CCDC102B: variants seen among roughly 807,000 people sequenced by gnomAD.
CCDC102B encodes coiled-coil domain containing 102B.
In CCDC102B, 75 loss-of-function variants were observed where a neutral mutation model predicts 57.4. That is an observed-to-expected ratio of 1.31 (90% CI 1.08 to 1.58). The LOEUF is 1.58. CCDC102B is among the 40% of genes most tolerant of loss of function. The pLI, the probability that CCDC102B is intolerant of heterozygous loss-of-function variation, is 0.00. For missense variants in CCDC102B, 636 were observed against 582.6 expected (o/e 1.09, Z -0.94); for synonymous variants, 206 against 201.9 (o/e 1.02, Z -0.17).
intron 2 of CCDC102B, among the ~76,000 whole-genome samples, chr18:68,772,566 C>T (rs1018611670): frequency 3.9e-5 from 6 of 151,990 alleles, no homozygotes; most frequent in Non-Finnish European, 8.8e-5. Context: ...TCTTAAGAAA[C>T]GAGAGAATTC....
At chr18:68,772,699 T>G (rs1465111471) in intron 2 of CCDC102B, among the ~76,000 whole-genome samples, 1 of 152,108 alleles carries the variant, frequency 6.6e-6, no homozygotes, top group Non-Finnish European at 1.5e-5. Flanking sequence ...ACTTGGAAAT[T>G]GAAATTTAGA....
intron 7 of CCDC102B, among the ~76,000 whole-genome samples, chr18:69,029,426 C>T (rs1427196381): frequency 6.6e-6 from 1 of 152,200 alleles, no homozygotes; most frequent in Non-Finnish European, 1.5e-5. Context: ...CTACCTTCTG[C>T]ATCAGGTTGG....
intron 2 of CCDC102B, among the ~76,000 whole-genome samples, chr18:68,744,679 C>T (rs1234759874): frequency 2.6e-5 from 4 of 152,214 alleles, no homozygotes; most frequent in Middle Eastern, 3.4e-3. Context: ...TGCATGAAGA[C>T]GCCTCTCAAT....
At chr18:68,900,347 T>C (rs537097837) in intron 6 of CCDC102B, 1 of 152,304 alleles carries the variant, frequency 6.6e-6, no homozygotes, top group South Asian at 2.1e-4. Flanking sequence ...GAAAGTCTGA[T>C]TTCACAGACA....
At chr18:68,762,885 G>C (rs2034300200) in intron 2 of CCDC102B, among the ~76,000 whole-genome samples, 1 of 152,076 alleles carries the variant, frequency 6.6e-6, no homozygotes, top group Admixed American at 6.6e-5. Flanking sequence ...GGTACTACCT[G>C]TGGTTTTAGG....
intron 7 of CCDC102B, among the ~76,000 whole-genome samples, chr18:69,022,209 AT>A (rs1568131047): frequency 6.4e-5 from 9 of 141,342 alleles, no homozygotes; most frequent in East Asian, 4.1e-4. Context: ...ATATATATAT[AT>A]ATATATATAT....
At chr18:68,821,582 A>AG (rs1347856088) in intron 1 of CCDC102B, among the ~76,000 whole-genome samples, 1 of 118,158 alleles carries the variant, frequency 8.5e-6, no homozygotes, top group African/African-American at 3.5e-5. Flanking sequence ...ATGCACTGCA[A>AG]AACATGCCAA....
At chr18:68,786,221 G>A (rs1337058045) in intron 2 of CCDC102B, among the ~76,000 whole-genome samples, 1 of 151,944 alleles carries the variant, frequency 6.6e-6, no homozygotes, top group African/African-American at 2.4e-5. Flanking sequence ...ATGCTGTTTT[G>A]GTTACTGTAG....
intron 6 of CCDC102B, among the ~76,000 whole-genome samples, chr18:68,966,830 C>A (rs1568358688): frequency 6.6e-6 from 1 of 152,004 alleles, no homozygotes; most frequent in South Asian, 2.1e-4. Flanking sequence ...GGATTCCTGC[C>A]CCTCCCTCCT....
intron 7 of CCDC102B, among the ~76,000 whole-genome samples, chr18:69,021,491 A>C (rs2051831814): frequency 6.6e-6 from 1 of 152,156 alleles, no homozygotes; most frequent in Admixed American, 6.5e-5. Flanking sequence ...TGTAATATTT[A>C]TTACTTCCTA....
At chr18:68,892,262 C>T (rs531372591) in intron 5 of CCDC102B, among the ~76,000 whole-genome samples, 1 of 152,128 alleles carries the variant, frequency 6.6e-6, no homozygotes, top group African/African-American at 2.4e-5. Context: ...AAAACAATGA[C>T]CCTTGTACTT....
intron 6 of CCDC102B, among the ~76,000 whole-genome samples, chr18:68,986,961 T>C (rs1160728148): frequency 6.6e-6 from 1 of 152,148 alleles, no homozygotes; most frequent in African/African-American, 2.4e-5. Flanking sequence ...TGCTCATGGA[T>C]TGGAAGAGTC....
intron 6 of CCDC102B, among the ~76,000 whole-genome samples, chr18:68,937,632 G>T (rs1157662070): frequency 6.6e-6 from 1 of 151,904 alleles, no homozygotes; most frequent in Non-Finnish European, 1.5e-5. Flanking sequence ...TAAGTTTTGG[G>T]ATACATGTGC....
At position 68,839,310 on chromosome 18, in the gene CCDC102B, T is replaced by C. The variant is rs557594336; in HGVS notation, c.827+384T>C. Among the ~76,000 whole-genome samples the C allele has an allele frequency of 8.5e-5, 13 of 152,220 alleles. No homozygotes were observed. In the East Asian group the frequency reaches 2.3e-3, roughly 27 times the overall value. On this transcript the variant is annotated intron_variant, in intron 3 of 7. Coordinates refer to ENST00000360242, the MANE Select transcript of CCDC102B (RefSeq NM_024781.3). The stretch of plus-strand genomic sequence containing the variant: ...AATATTAATAGTGGAAAAATCACAA[T>C]TTTGTGAGATATTTATTACAGAAAA...
intron 7 of CCDC102B, among the ~76,000 whole-genome samples, chr18:69,023,010 G>T (rs1038115762): frequency 6.6e-6 from 1 of 151,824 alleles, no homozygotes; most frequent in Non-Finnish European, 1.5e-5. Context: ...AGAAAAGCAG[G>T]AGATATTTTT....
chr18:68,934,065 C>T (rs373075392), intron 6 of CCDC102B, among the ~76,000 whole-genome samples: 8 of 151,682 alleles, frequency 5.3e-5, no homozygotes, highest in Admixed American at 2.0e-4. Flanking sequence ...ATTATGTCAC[C>T]GAGGCAGTTA....
At chr18:68,853,302 A>G (rs1414965432) in intron 4 of CCDC102B, among the ~76,000 whole-genome samples, 1 of 152,162 alleles carries the variant, frequency 6.6e-6, no homozygotes. Flanking sequence ...TGGGATAGAA[A>G]CTTCAAAGAG....
At chr18:68,905,441 G>A (rs1252167748) in intron 6 of CCDC102B, among the ~76,000 whole-genome samples, 1 of 150,678 alleles carries the variant, frequency 6.6e-6, no homozygotes, top group African/African-American at 2.4e-5. Flanking sequence ...CATAAGATTA[G>A]TGTAAACTCA....
In CCDC102B at chr18:68,897,443, T is replaced by A. The variant is rs750229595; in HGVS notation, c.1263+15T>A. ...AAAAAAACCAGGTATGGGTGCTCCTTGGAGCAAATTCTCACTGTCTAATCT... is the reference window on the plus strand; with the variant it reads ...AAAAAAACCAGGTATGGGTGCTCCTAGGAGCAAATTCTCACTGTCTAATCT... On this transcript the variant is annotated intron_variant, in intron 6 of 7. Transcript: ENST00000360242. The A allele has an allele frequency of 1.0e-5, 16 of 1,607,522 alleles. No individual in the cohort carries two copies. The East Asian group carries it at 3.1e-4, about 31-fold the overall frequency.
Sources: allele counts gnomAD v4.1 joint callset (sites outside exome capture counted in the v4.1 genomes callset), GRCh38; gene constraint gnomAD v4.1.1; transcripts MANE v1.5; gene names NCBI Gene and HGNC (gene_info 2026-07-23, HGNC 2026-07-21).